ENOX2: variants seen among roughly 807,000 people sequenced by gnomAD.
ENOX2 encodes the protein APK1 antigen.
ENOX2 carries 36 observed loss-of-function variants against 45.0 expected under a neutral mutation model. The observed-to-expected ratio is 0.80, with a 90% CI of 0.61 to 1.06. ENOX2 has a LOEUF of 1.06. Among genes scored for constraint, ENOX2 ranks in the 50% least tolerant of loss-of-function variants. The probability of loss-of-function intolerance (pLI) is 0.00; values close to 1 mark genes in which losing one functional copy is unlikely to be tolerated. For synonymous variants in ENOX2, 174 were observed against 152.3 expected (o/e 1.14, Z -1.05); for missense variants, 423 against 462.5 (o/e 0.91, Z 0.78).
intron 9 of ENOX2, among the ~76,000 whole-genome samples, chrX:130,658,675 T>A (rs2036608021): frequency 8.9e-6 from 1 of 112,086 alleles, no homozygotes; most frequent in African/African-American, 3.2e-5. Context: ...TACTTTGACT[T>A]CCTTCAGAAA....
At chrX:130,828,160 T>A (rs1366504636) in intron 2 of ENOX2, among the ~76,000 whole-genome samples, 1 of 111,862 alleles carries the variant, frequency 8.9e-6, no homozygotes, top group Non-Finnish European at 1.9e-5. Flanking sequence ...AAAATAGATA[T>A]GAGCAAATAT....
At chrX:130,756,434 C>T (rs915950904) in intron 3 of ENOX2, among the ~76,000 whole-genome samples, 3 of 111,925 alleles carry the variant, frequency 2.7e-5, no homozygotes, top group African/African-American at 9.8e-5. Flanking sequence ...TCAGAATGGA[C>T]GTTGCTTCTT....
intron 2 of ENOX2, among the ~76,000 whole-genome samples, chrX:130,858,990 C>T (rs1478038826): frequency 8.9e-6 from 1 of 112,043 alleles, no homozygotes; most frequent in African/African-American, 3.2e-5. Context: ...ATGTTAGGTG[C>T]CAAACATTTA....
rs192729389 is a variant in ENOX2 at position 130,818,415 on chromosome X, G to A, written c.-182-34725C>T. Among the ~76,000 whole-genome samples the A allele has an allele frequency of 3.5e-3, 390 of 111,303 alleles. 1 individual carries two copies. Among genetic ancestry groups the A allele is most frequent in the Non-Finnish European group, 6.0e-3 (317 of 53,018 alleles). The stretch of plus-strand genomic sequence containing the variant: ...AAAAAACTACTTAAAATTTCATATG[G>A]AACAAAAAAGAGCCCATATAGCCAA... On this transcript the variant is annotated intron_variant, in intron 2 of 14. Transcript: ENST00000394363.
At chrX:130,642,627 A>C (rs2036120297) in intron 10 of ENOX2, among the ~76,000 whole-genome samples, 1 of 112,049 alleles carries the variant, frequency 8.9e-6, no homozygotes, top group African/African-American at 3.2e-5. Flanking sequence ...TATAGTATAC[A>C]TTATTGTCTT....
chrX:130,845,375 T>C (rs1315864702), intron 2 of ENOX2, among the ~76,000 whole-genome samples: 1 of 112,688 alleles, frequency 8.9e-6, no homozygotes, highest in African/African-American at 3.2e-5. Flanking sequence ...CCATTATCCT[T>C]GCCAACATTG....
At chrX:130,795,033 T>C (rs1237472565) in intron 2 of ENOX2, among the ~76,000 whole-genome samples, 1 of 112,264 alleles carries the variant, frequency 8.9e-6, no homozygotes, top group Non-Finnish European at 1.9e-5. Context: ...ACTGCGTCAC[T>C]AATGTTCTGG....
At chrX:130,752,628 T>C (rs2039252755) in intron 3 of ENOX2, among the ~76,000 whole-genome samples, 1 of 111,166 alleles carries the variant, frequency 9.0e-6, no homozygotes, top group Non-Finnish European at 1.9e-5. Flanking sequence ...TTTGCCTCTT[T>C]CTGTTTCTCT....
At chrX:130,784,023 T>C (rs140620395) in intron 2 of ENOX2, among the ~76,000 whole-genome samples, 363 of 111,948 alleles carry the variant, frequency 3.2e-3, no homozygotes, top group African/African-American at 0.011. Context: ...AGTTTGGCTT[T>C]GCATTCCTTG....
intron 3 of ENOX2, among the ~76,000 whole-genome samples, chrX:130,757,243 G>A (rs899488978): frequency 3.6e-5 from 4 of 111,630 alleles, no homozygotes; most frequent in Admixed American, 2.8e-4. Context: ...ACACATGCTC[G>A]TTCCCTTACA....
chrX:130,633,354 G>C (rs10521759), intron 12 of ENOX2, among the ~76,000 whole-genome samples: 12,633 of 112,118 alleles, frequency 0.11, 658 homozygotes, highest in East Asian at 0.27. Flanking sequence ...TAACCTAATT[G>C]TGTCAGGTTG....
chrX:130,859,697 T>G (rs5977386), intron 2 of ENOX2, among the ~76,000 whole-genome samples: 10,242 of 111,512 alleles, frequency 0.092, 804 homozygotes, highest in African/African-American at 0.26. Flanking sequence ...GTTTGAAACA[T>G]AAATGTCTGA....
At chrX:130,697,309 C>T (rs1177106942) in intron 4 of ENOX2, among the ~76,000 whole-genome samples, 2 of 112,100 alleles carry the variant, frequency 1.8e-5, no homozygotes, top group African/African-American at 6.5e-5. Flanking sequence ...CACACCTGGG[C>T]TAAAACAATA....
chrX:130,841,285 C>T (rs1178740474), intron 2 of ENOX2, among the ~76,000 whole-genome samples: 2 of 111,650 alleles, frequency 1.8e-5, no homozygotes, highest in Non-Finnish European at 3.8e-5. Flanking sequence ...ACAAAGAAGC[C>T]CCATTTTTCT....
intron 2 of ENOX2, among the ~76,000 whole-genome samples, chrX:130,809,944 A>G (rs1256620577): frequency 3.6e-5 from 4 of 111,678 alleles, no homozygotes; most frequent in East Asian, 5.7e-4. Flanking sequence ...AATTTGAACA[A>G]CTACCTACAC....
intron 7 of ENOX2, 56 bp from the exon 8 acceptor site, chrX:130,667,798 C>G (rs1399950048): frequency 2.1e-6 from 2 of 961,941 alleles, no homozygotes; most frequent in Non-Finnish European, 2.9e-6. Context: ...GATCTATTTT[C>G]CCAACATGCT....
chrX:130,889,541 G>A (rs916522094), intron 2 of ENOX2, among the ~76,000 whole-genome samples: 7 of 111,426 alleles, frequency 6.3e-5, no homozygotes, highest in African/African-American at 9.8e-5. Flanking sequence ...CTAAGAGCAA[G>A]TGAGCTGCTG....
chrX:130,851,088 T>G (rs886585056), intron 2 of ENOX2, among the ~76,000 whole-genome samples: 1 of 112,371 alleles, frequency 8.9e-6, no homozygotes, highest in Non-Finnish European at 1.9e-5. Context: ...GCCAGGTGGC[T>G]CTGTAATTTT....
intron 2 of ENOX2, among the ~76,000 whole-genome samples, chrX:130,845,693 G>A (rs2078089959): frequency 8.9e-6 from 1 of 111,944 alleles, no homozygotes; most frequent in Non-Finnish European, 1.9e-5. Context: ...TCGAACTCCC[G>A]ACCTTAGGCA....
Sources: gnomAD v4.1 joint callset for allele counts (sites outside exome capture counted in the v4.1 genomes callset) on GRCh38, gnomAD v4.1.1 for gene constraint, MANE v1.5 for transcripts, NCBI Gene and HGNC (gene_info 2026-07-23, HGNC 2026-07-21) for gene names.